IGFL2: variants seen among roughly 807,000 people sequenced by gnomAD.
IGFL2 encodes the protein IGF like family member 2.
IGFL2 carries 7 observed loss-of-function variants against 13.9 expected under a neutral mutation model. The observed-to-expected ratio is 0.51, with a 90% CI of 0.29 to 0.95. IGFL2 has a LOEUF of 0.95. Among genes scored for constraint, IGFL2 ranks in the 40% least tolerant of loss-of-function variants. The probability of loss-of-function intolerance (pLI) is 0.08; values close to 1 mark genes in which losing one functional copy is unlikely to be tolerated. For missense variants in IGFL2, 138 were observed against 147.8 expected (o/e 0.93, Z 0.34); for synonymous variants, 55 against 55.8 (o/e 0.99, Z 0.07).
the IGFL2 span, among the ~76,000 whole-genome samples, chr19:46,084,588 T>G: frequency 6.6e-6 from 1 of 152,218 alleles, no homozygotes; most frequent in Admixed American, 6.5e-5. Flanking sequence ...GGTGCCAACA[T>G]CTGCTTCTGA....
the IGFL2 span, among the ~76,000 whole-genome samples, chr19:46,134,790 C>T: frequency 2.0e-5 from 3 of 152,200 alleles, no homozygotes; most frequent in African/African-American, 7.2e-5. Flanking sequence ...TGCTTACTGC[C>T]TGCTATGCAG....
chr19:46,189,798 G>A, the IGFL2 span: 2 of 152,124 alleles, frequency 1.3e-5, no homozygotes, highest in East Asian at 3.9e-4. Context: ...CTAATGATTA[G>A]TAATATTCAT....
At chr19:46,197,579 T>C in the IGFL2 span, among the ~76,000 whole-genome samples, 6 of 152,178 alleles carry the variant, frequency 3.9e-5, no homozygotes, top group Admixed American at 3.3e-4. Context: ...CAGCTCAGAC[T>C]GGAGGGCAGT....
chr19:46,145,410 A>G (rs73048045), upstream of IGFL2, among the ~76,000 whole-genome samples: 3,585 of 152,056 alleles, frequency 0.024, 87 homozygotes, highest in Middle Eastern at 0.034. Flanking sequence ...GTCCAGTCCA[A>G]CACAGTCAAT....
At chr19:46,136,306 GA>G in the IGFL2 span, among the ~76,000 whole-genome samples, 1 of 152,014 alleles carries the variant, frequency 6.6e-6, no homozygotes, top group Non-Finnish European at 1.5e-5. Flanking sequence ...ATTATGTCAT[GA>G]AAAAACTCAT....
the IGFL2 span, among the ~76,000 whole-genome samples, chr19:46,179,911 G>A: frequency 6.6e-6 from 1 of 151,908 alleles, no homozygotes; most frequent in Non-Finnish European, 1.5e-5. Context: ...GTGAGACTCT[G>A]TCTCAAAAAA....
At chr19:46,125,801 C>T in the IGFL2 span, among the ~76,000 whole-genome samples, 1 of 152,178 alleles carries the variant, frequency 6.6e-6, no homozygotes, top group African/African-American at 2.4e-5. Context: ...CCCAGGCTGT[C>T]AGCTTGTTTA....
the IGFL2 span, chr19:46,124,685 T>C: frequency 6.3e-7 from 1 of 1,594,556 alleles, no homozygotes; most frequent in African/African-American, 1.4e-5. Flanking sequence ...TGAAGAAGAG[T>C]GGTAAAAGGC....
the IGFL2 span, among the ~76,000 whole-genome samples, chr19:46,080,777 G>C: frequency 1.3e-5 from 2 of 152,152 alleles, no homozygotes; most frequent in Non-Finnish European, 2.9e-5. Context: ...TCTGTGGTTT[G>C]GTCTGTGGTA....
chr19:46,091,152 C>T, the IGFL2 span, among the ~76,000 whole-genome samples: 4 of 152,074 alleles, frequency 2.6e-5, no homozygotes, highest in Admixed American at 1.3e-4. Flanking sequence ...TTGATGTTTC[C>T]GTGTGGGCAA....
At chr19:46,083,778 T>C in the IGFL2 span, among the ~76,000 whole-genome samples, 1 of 151,692 alleles carries the variant, frequency 6.6e-6, no homozygotes, top group Non-Finnish European at 1.5e-5. Flanking sequence ...TTGGAAGAGG[T>C]AGTGATTAGA....
chr19:46,162,847 G>A (rs1974226770), downstream of IGFL2, among the ~76,000 whole-genome samples: 3 of 152,310 alleles, frequency 2.0e-5, no homozygotes, highest in South Asian at 2.1e-4. Flanking sequence ...AACTAGTGTG[G>A]TCGTTTGGAG....
the IGFL2 span, among the ~76,000 whole-genome samples, chr19:46,092,050 G>A: frequency 1.3e-5 from 2 of 152,088 alleles, no homozygotes; most frequent in South Asian, 4.1e-4. Flanking sequence ...CATTTTTTAC[G>A]TTCAAACCTG....
the IGFL2 span, chr19:46,124,734 A>C: frequency 7.6e-6 from 9 of 1,186,340 alleles, 2 homozygotes; most frequent in Admixed American, 1.5e-4. Context: ...GTTGTCTGTT[A>C]ACCTGGTAAG....
At chr19:46,104,208 T>C in the IGFL2 span, among the ~76,000 whole-genome samples, 8 of 152,242 alleles carry the variant, frequency 5.3e-5, no homozygotes, top group Admixed American at 3.9e-4. Flanking sequence ...AGAAAGTGCA[T>C]CCATATAAAA....
At chr19:46,197,159 G>T in the IGFL2 span, 1 of 229,382 alleles carries the variant, frequency 4.4e-6, no homozygotes, top group South Asian at 6.5e-5. Flanking sequence ...GGGTGGAACT[G>T]CACCTTCAGA....
At chr19:46,178,049 C>T in the IGFL2 span, among the ~76,000 whole-genome samples, 5 of 151,976 alleles carry the variant, frequency 3.3e-5, no homozygotes, top group African/African-American at 2.4e-5. Context: ...GAGGCCGAGG[C>T]GGGTGGATCA....
chr19:46,175,989 C>A, the IGFL2 span, among the ~76,000 whole-genome samples: 1 of 144,608 alleles, frequency 6.9e-6, no homozygotes, highest in Non-Finnish European at 1.5e-5. Context: ...ATTACAGGTG[C>A]ATGCCACTAC....
the IGFL2 span, among the ~76,000 whole-genome samples, chr19:46,085,279 C>G: frequency 6.6e-6 from 1 of 152,076 alleles, no homozygotes; most frequent in Admixed American, 6.5e-5. Flanking sequence ...AACAAAAAAA[C>G]TTAAAGCTCC....
Sources: gnomAD v4.1 joint callset for allele counts (sites outside exome capture counted in the v4.1 genomes callset) on GRCh38, gnomAD v4.1.1 for gene constraint, MANE v1.5 for transcripts, NCBI Gene and HGNC (gene_info 2026-07-23, HGNC 2026-07-21) for gene names.